Variants in PLS1 observed in about 807,000 individuals in gnomAD.
The protein encoded by PLS1 is plastin-1.
Under a neutral mutation model 73.7 loss-of-function variants are expected in PLS1, and 32 were observed. The ratio of observed to expected loss-of-function variants is 0.43; its 90% confidence interval spans 0.33 to 0.58. The LOEUF is 0.58. Among genes scored for constraint, PLS1 ranks in the 20% least tolerant of loss-of-function variants. PLS1 has a pLI of 0.04. For synonymous variants in PLS1, 217 were observed against 261.3 expected (o/e 0.83, Z 1.63); for missense variants, 633 against 740.5 (o/e 0.85, Z 1.68).
chr3:142,707,878 G>A (rs1004528410), intron 14 of PLS1, among the ~76,000 whole-genome samples: 3 of 152,126 alleles, frequency 2.0e-5, no homozygotes, highest in East Asian at 1.9e-4. Flanking sequence ...AAACCTTAGC[G>A]GTTTAAACTA....
At chr3:142,607,372 T>C (rs2036043092) in intron 1 of PLS1, among the ~76,000 whole-genome samples, 1 of 152,146 alleles carries the variant, frequency 6.6e-6, no homozygotes, top group African/African-American at 2.4e-5. Flanking sequence ...CTCTGCCTCC[T>C]GGGTTCAAGC....
At chr3:142,689,208 C>T (rs995503004) in intron 9 of PLS1, among the ~76,000 whole-genome samples, 36 of 151,886 alleles carry the variant, frequency 2.4e-4, no homozygotes, top group Admixed American at 1.7e-3. Flanking sequence ...CCGAGGTGGG[C>T]GGATCAGGAG....
rs1246332514 is a variant in PLS1 at position 142,694,019 on chromosome 3, GT to G, written c.1178-449del. Among the ~76,000 whole-genome samples the G allele has an allele frequency of 3.3e-5, 5 of 151,530 alleles. No homozygotes were observed. The East Asian group carries it at 9.7e-4, about 29-fold the overall frequency. On this transcript the variant is annotated intron_variant, in intron 10 of 15. Coordinates refer to ENST00000457734, the MANE Select transcript of PLS1 (RefSeq NM_001145319.2). ...TCTGTGTGCTGAGAAACTTTCCTAT[GT>G]AAAACCATAATTTGTACAAATTTAG...
intron 1 of PLS1, among the ~76,000 whole-genome samples, chr3:142,603,445 A>G (rs1400827785): frequency 6.6e-6 from 1 of 152,192 alleles, no homozygotes; most frequent in East Asian, 1.9e-4. Flanking sequence ...CGATAAACTA[A>G]ATTTTATGAT....
chr3:142,616,867 G>A (rs950104052), intron 1 of PLS1, among the ~76,000 whole-genome samples: 1 of 152,182 alleles, frequency 6.6e-6, no homozygotes, highest in African/African-American at 2.4e-5. Flanking sequence ...CTCCCAAGGT[G>A]CTAGGATTAC....
chr3:142,632,284 T>C (rs547593774), intron 1 of PLS1, among the ~76,000 whole-genome samples: 7 of 152,330 alleles, frequency 4.6e-5, no homozygotes, highest in Non-Finnish European at 8.8e-5. Context: ...GAGTTTTCTA[T>C]GCACTTTCAT....
Position 142,704,594 on chromosome 3 carries a change from A to G in PLS1, c.1629+8A>G. ...TCTATTTCCAGCTTCAAGGTAATCA[A>G]GAGTCCTAAAAAAAATTTTTTTTTG... On this transcript the variant is annotated splice_region_variant and intron_variant, in intron 14 of 15. Transcript: ENST00000457734. 5 of 1,538,240 alleles carry G rather than the reference A, an allele frequency of 3.3e-6. No individual in the cohort carries two copies. Among genetic ancestry groups the G allele is most frequent in the Non-Finnish European group, 3.5e-6 (4 of 1,144,346 alleles).
intron 6 of PLS1, among the ~76,000 whole-genome samples, chr3:142,680,070 CTGTT>C (rs1192296131): frequency 3.3e-5 from 5 of 152,174 alleles, no homozygotes; most frequent in Admixed American, 6.5e-5. Context: ...ATTTGGCTCT[CTGTT>C]TGTCTGTTAT....
chr3:142,693,122 G>T (rs1006278348), intron 10 of PLS1, among the ~76,000 whole-genome samples: 2 of 152,238 alleles, frequency 1.3e-5, no homozygotes, highest in African/African-American at 4.8e-5. Flanking sequence ...CTTTTATGCA[G>T]ACCAGAGGGA....
chr3:142,693,285 A>G (rs959361796), intron 10 of PLS1, among the ~76,000 whole-genome samples: 39 of 152,214 alleles, frequency 2.6e-4, no homozygotes, highest in African/African-American at 9.2e-4. Context: ...AGAATCCTTT[A>G]GATCTGACAA....
At chr3:142,704,761 G>T (rs2038421178) in intron 14 of PLS1, among the ~76,000 whole-genome samples, 175 bp downstream of exon 14, 2 of 144,364 alleles carry the variant, frequency 1.4e-5, no homozygotes, top group South Asian at 4.4e-4. Flanking sequence ...CCATTCTCCT[G>T]CCTCAGCCTC....
chr3:142,641,262 T>G (rs1002083071), intron 1 of PLS1, among the ~76,000 whole-genome samples: 1 of 145,984 alleles, frequency 6.9e-6, no homozygotes, highest in Non-Finnish European at 1.5e-5. Flanking sequence ...TCTCTATATA[T>G]TATATGTATT....
intron 14 of PLS1, among the ~76,000 whole-genome samples, chr3:142,707,400 T>G (rs1412017735): frequency 1.3e-5 from 2 of 152,200 alleles, no homozygotes; most frequent in African/African-American, 4.8e-5. Flanking sequence ...GATCAGCAAA[T>G]AATAATCATA....
At chr3:142,608,997 A>G (rs1380653471) in intron 1 of PLS1, among the ~76,000 whole-genome samples, 1 of 152,238 alleles carries the variant, frequency 6.6e-6, no homozygotes, top group Non-Finnish European at 1.5e-5. Context: ...GAGAGGATTT[A>G]ATTTTAAATA....
intron 1 of PLS1, among the ~76,000 whole-genome samples, chr3:142,614,056 G>C (rs1330434017): frequency 6.6e-6 from 1 of 152,140 alleles, no homozygotes; most frequent in Non-Finnish European, 1.5e-5. Context: ...AACTAGAAAT[G>C]TTAAAAAGAG....
In PLS1 at chr3:142,599,144, T is replaced by C. The variant is rs1017011892; in HGVS notation, c.-37+2635T>C. 4.0e-5 allele frequency among the ~76,000 whole-genome samples: 6 copies of C among 151,378 alleles called. No homozygotes were observed. In the East Asian group the frequency reaches 9.7e-4, roughly 24 times the overall value. ...CAATACCTGGCACATTGCTTTGCAG[T>C]ATCAGACACTCAATAGTTATTACAT... On this transcript the variant is annotated intron_variant, in intron 1 of 15. Coordinates refer to ENST00000457734, the MANE Select transcript of PLS1 (RefSeq NM_001145319.2).
At chr3:142,647,151 G>A (rs1442169613) in intron 1 of PLS1, among the ~76,000 whole-genome samples, 1 of 152,146 alleles carries the variant, frequency 6.6e-6, no homozygotes, top group Non-Finnish European at 1.5e-5. Context: ...ATTACCAATA[G>A]TCAAAAAGAC....
rs2049324 is a variant in PLS1, at chr3:142,704,375, C to A, written c.1506-88C>A. 5 of 1,014,018 alleles carry A rather than the reference C, an allele frequency of 4.9e-6. No individual in the cohort carries two copies. The African/African-American group carries it at 8.3e-5, about 17-fold the overall frequency. 62.8% of individuals were successfully genotyped at this position (1,014,018 alleles called of 1,614,324 possible). ...AATATTTATTAGAACTGAACTATTT[C>A]TTAAGTATTTATCTAAACATTGATA... On this transcript the variant is annotated intron_variant, in intron 13 of 15. Transcript: ENST00000457734.
chr3:142,676,392 T>A, intron 5 of PLS1, 103 bp downstream of exon 5: 1 of 1,042,618 alleles, frequency 9.6e-7, no homozygotes, highest in Non-Finnish European at 1.4e-6. Flanking sequence ...TTGGAGTCAG[T>A]AGCTACTTAG....
Sources: gnomAD v4.1 joint callset for allele counts (sites outside exome capture counted in the v4.1 genomes callset) on GRCh38, gnomAD v4.1.1 for gene constraint, MANE v1.5 for transcripts, NCBI Gene and HGNC (gene_info 2026-07-23, HGNC 2026-07-21) for gene names.